PACRG: variants seen among roughly 807,000 people sequenced by gnomAD.
The protein encoded by PACRG is parkin coregulated.
Under a neutral mutation model 29.7 loss-of-function variants are expected in PACRG, and 29 were observed. The ratio of observed to expected loss-of-function variants is 0.98; its 90% CI spans 0.73 to 1.33. The LOEUF is 1.33. Among genes scored for constraint, PACRG ranks in the 40% most tolerant of loss-of-function variants. The pLI is 0.00. For missense variants in PACRG, 279 were observed against 316.2 expected (o/e 0.88, Z 0.89); for synonymous variants, 116 against 118.7 (o/e 0.98, Z 0.15).
At chr6:162,800,564 A>G (rs545574909) in intron 1 of PACRG, among the ~76,000 whole-genome samples, 220 of 152,284 alleles carry the variant, frequency 1.4e-3, no homozygotes, top group African/African-American at 5.2e-3. Flanking sequence ...AATCAAGTGG[A>G]CCTGAAAGAA....
At chr6:162,782,565 T>G (rs1784172857) in intron 1 of PACRG, among the ~76,000 whole-genome samples, 1 of 151,978 alleles carries the variant, frequency 6.6e-6, no homozygotes, top group East Asian at 1.9e-4. Flanking sequence ...TAGAAGTCAA[T>G]TTTTAAACAT....
chr6:163,117,853 C>T (rs1244799503), intron 4 of PACRG, among the ~76,000 whole-genome samples: 1 of 151,850 alleles, frequency 6.6e-6, no homozygotes, highest in Non-Finnish European at 1.5e-5. Context: ...TAGAAGAAAG[C>T]AAGATCATGG....
chr6:163,092,992 T>G (rs1814251067), intron 4 of PACRG, among the ~76,000 whole-genome samples: 1 of 152,196 alleles, frequency 6.6e-6, no homozygotes, highest in Admixed American at 6.5e-5. Context: ...ACCAGCTGCA[T>G]CAGTGCCTTT....
At position 162,939,232 on chromosome 6, in the gene PACRG, T is replaced by C. The variant is rs536133894; in HGVS notation, c.292-122918T>C. Among the ~76,000 whole-genome samples, 12 of 152,258 alleles carry C rather than the reference T, an allele frequency of 7.9e-5. No homozygotes were observed. In the South Asian group the frequency reaches 2.5e-3, roughly 32 times the overall value. Reference sequence around the variant, plus strand: ...TAGAATGAAACTGGATTCTTACCTCTCACCTTATGCAAAAATCAACTCAAG... The same window carrying C: ...TAGAATGAAACTGGATTCTTACCTCCCACCTTATGCAAAAATCAACTCAAG... On this transcript the variant is annotated intron_variant, in intron 2 of 4. Transcript: ENST00000366888.
intron 2 of PACRG, among the ~76,000 whole-genome samples, chr6:163,025,832 TG>T (rs1807077469): frequency 6.6e-6 from 1 of 152,142 alleles, no homozygotes; most frequent in African/African-American, 2.4e-5. Flanking sequence ...TGTACAGAGG[TG>T]CACAAGTTAA....
At chr6:162,901,369 G>T (rs1019727225) in intron 2 of PACRG, among the ~76,000 whole-genome samples, 1 of 152,174 alleles carries the variant, frequency 6.6e-6, no homozygotes, top group Non-Finnish European at 1.5e-5. Flanking sequence ...ATGATGTAAA[G>T]GAGATTCATA....
chr6:163,226,557 C>A (rs924220207), intron 4 of PACRG, among the ~76,000 whole-genome samples: 1 of 152,182 alleles, frequency 6.6e-6, no homozygotes, highest in Admixed American at 6.6e-5. Context: ...AGAGGTTAGA[C>A]TGCCTGGAGG....
chr6:162,885,012 C>T (rs1794211957), intron 2 of PACRG, among the ~76,000 whole-genome samples: 1 of 152,154 alleles, frequency 6.6e-6, no homozygotes, highest in Non-Finnish European at 1.5e-5. Flanking sequence ...CCCTGCTTCA[C>T]TTTAGAGGTG....
chr6:163,277,357 T>C (rs1230236788), intron 4 of PACRG, among the ~76,000 whole-genome samples: 6 of 151,960 alleles, frequency 3.9e-5, no homozygotes, highest in African/African-American at 1.5e-4. Flanking sequence ...ATATGATGTT[T>C]GGTTTTCCAT....
chr6:162,929,773 G>T (rs1252130095), intron 2 of PACRG, among the ~76,000 whole-genome samples: 1 of 151,914 alleles, frequency 6.6e-6, no homozygotes, highest in Admixed American at 6.6e-5. Context: ...AGAGGTAGGG[G>T]TCTAATTTCA....
rs184468360 is a variant in PACRG at position 162,824,798 on chromosome 6, T to A, written c.291+10517T>A. Among the ~76,000 whole-genome samples, 3 of 152,334 alleles carry A rather than the reference T, an allele frequency of 2.0e-5. No individual in the cohort carries two copies. In the East Asian group the frequency reaches 5.8e-4, roughly 29 times the overall value. Reference sequence around the variant, plus strand: ...GTCTTAAGAAGCTTATTGACTAGAATAGATCACTATTCAAGGAAGAAACCG... The same window carrying A: ...GTCTTAAGAAGCTTATTGACTAGAAAAGATCACTATTCAAGGAAGAAACCG... On this transcript the variant is annotated intron_variant, in intron 2 of 4. Transcript: ENST00000366888.
chr6:162,927,256 G>A (rs1797513415), intron 2 of PACRG, among the ~76,000 whole-genome samples: 1 of 152,046 alleles, frequency 6.6e-6, no homozygotes, highest in Non-Finnish European at 1.5e-5. Flanking sequence ...TTTCCTCAAG[G>A]ACCTAGAACC....
intron 2 of PACRG, among the ~76,000 whole-genome samples, chr6:162,980,472 C>G (rs956170757): frequency 2.6e-5 from 4 of 152,136 alleles, no homozygotes; most frequent in African/African-American, 9.7e-5. Context: ...AAGTAAGGTT[C>G]AGAAGCAGAT....
At chr6:162,806,443 A>G (rs996296519) in intron 1 of PACRG, among the ~76,000 whole-genome samples, 48 of 151,418 alleles carry the variant, frequency 3.2e-4, no homozygotes, top group Non-Finnish European at 5.9e-4. Context: ...AAAAAAAAAA[A>G]GCTGAAAGTC....
intron 2 of PACRG, among the ~76,000 whole-genome samples, chr6:162,871,828 G>C (rs1323334162): frequency 6.6e-6 from 1 of 151,996 alleles, no homozygotes; most frequent in Non-Finnish European, 1.5e-5. Context: ...TGAGGCAGGA[G>C]AATGGCGTGA....
chr6:163,037,270 G>A (rs1808290045), intron 2 of PACRG, among the ~76,000 whole-genome samples: 1 of 152,218 alleles, frequency 6.6e-6, no homozygotes, highest in South Asian at 2.1e-4. Flanking sequence ...CTGGGTGTCA[G>A]CAGACGCTTA....
At position 162,909,862 on chromosome 6, in the gene PACRG, TGAAG is replaced by T. The variant is rs1345650141; in HGVS notation, c.291+95589_291+95592del. Among the ~76,000 whole-genome samples the T allele has an allele frequency of 2.0e-5, 3 of 152,224 alleles. No homozygotes were observed. In the East Asian group the frequency reaches 5.8e-4, roughly 29 times the overall value. On this transcript the variant is annotated intron_variant, in intron 2 of 4. Coordinates refer to ENST00000366888, the MANE Select transcript of PACRG (RefSeq NM_001080379.2). ...GGGGATTGAATGAATGGTTGATGAA[TGAAG>T]GAAGGAATGCATGAACAAATTAGTA...
chr6:163,032,611 G>GT (rs1396144739), intron 2 of PACRG, among the ~76,000 whole-genome samples: 2 of 152,110 alleles, frequency 1.3e-5, no homozygotes, highest in African/African-American at 4.8e-5. Context: ...AATTATAAGA[G>GT]TTTTTTATAA....
chr6:162,841,379 G>T (rs1332305634), intron 2 of PACRG, among the ~76,000 whole-genome samples: 1 of 151,900 alleles, frequency 6.6e-6, no homozygotes, highest in Non-Finnish European at 1.5e-5. Context: ...TAGTTTATTT[G>T]CATAGAGGTG....
Sources: gnomAD v4.1 joint callset for allele counts (sites outside exome capture counted in the v4.1 genomes callset) on GRCh38, gnomAD v4.1.1 for gene constraint, MANE v1.5 for transcripts, NCBI Gene and HGNC (gene_info 2026-07-23, HGNC 2026-07-21) for gene names.